The following MMP26 variants were observed in gnomAD, a reference collection of about 807,000 sequenced individuals.
The protein encoded by MMP26 is matrix metalloproteinase-26.
A neutral mutation model predicts 31.0 loss-of-function variants in MMP26; 33 were observed. That is an observed-to-expected ratio of 1.06 (90% CI 0.81 to 1.42). The LOEUF (loss-of-function observed/expected upper bound fraction) is 1.42, where lower values mean the gene tolerates loss of function less well. MMP26 is among the 40% of genes most tolerant of loss of function. The probability of loss-of-function intolerance (pLI) is 0.00; values close to 1 mark genes in which losing one functional copy is unlikely to be tolerated. For missense variants in MMP26, 347 were observed against 316.1 expected (o/e 1.10, Z -0.74); for synonymous variants, 122 against 114.9 (o/e 1.06, Z -0.40).
chr11:4,849,171 C>T, intron 2 of MMP26: 1 of 1,613,306 alleles, frequency 6.2e-7, no homozygotes, highest in African/African-American at 1.3e-5. Flanking sequence ...CATTGAAGTG[C>T]TGCTATTGGG....
chr11:4,790,822 A>T (rs1849015902), intron 2 of MMP26, among the ~76,000 whole-genome samples: 1 of 152,182 alleles, frequency 6.6e-6, no homozygotes, highest in African/African-American at 2.4e-5. Flanking sequence ...CTTCATGCAC[A>T]CCATGCTTAT....
intron 1 of MMP26, among the ~76,000 whole-genome samples, chr11:4,716,205 G>T (rs1847928351): frequency 6.6e-6 from 1 of 152,292 alleles, no homozygotes; most frequent in South Asian, 2.1e-4. Flanking sequence ...TTAAGAACAT[G>T]GTACTGGCTG....
At chr11:4,908,569 G>C in intron 2 of MMP26, 1 of 497,852 alleles carries the variant, frequency 2.0e-6, no homozygotes, top group South Asian at 2.2e-5. Flanking sequence ...AGCTGGATTT[G>C]AGTCAACCCA....
chr11:4,826,193 G>C (rs1041865673), intron 2 of MMP26, among the ~76,000 whole-genome samples: 2 of 152,072 alleles, frequency 1.3e-5, no homozygotes, highest in African/African-American at 4.8e-5. Context: ...CCAAGCCCCA[G>C]AACTCTCTAA....
chr11:4,817,976 G>A (rs1280446309), intron 2 of MMP26, among the ~76,000 whole-genome samples: 2 of 152,178 alleles, frequency 1.3e-5, no homozygotes, highest in Non-Finnish European at 2.9e-5. Flanking sequence ...GACTGTTGAG[G>A]TCTAAACTGG....
chr11:4,796,021 A>G (rs1849103913), intron 2 of MMP26, among the ~76,000 whole-genome samples: 1 of 152,064 alleles, frequency 6.6e-6, no homozygotes, highest in Non-Finnish European at 1.5e-5. Context: ...ATTTTTTCCT[A>G]AGAGTTTCAA....
chr11:4,946,422 G>C, intron 2 of MMP26: 1 of 1,608,760 alleles, frequency 6.2e-7, no homozygotes, highest in Non-Finnish European at 8.5e-7. Flanking sequence ...GCAATTCCCA[G>C]TACAGTCTTG....
At chr11:4,940,667 T>C (rs1308793519) in intron 2 of MMP26, among the ~76,000 whole-genome samples, 1 of 152,148 alleles carries the variant, frequency 6.6e-6, no homozygotes, top group Non-Finnish European at 1.5e-5. Context: ...CAATACTTGA[T>C]GGAAAAGCTT....
intron 1 of MMP26, among the ~76,000 whole-genome samples, chr11:4,747,037 T>C (rs1470900813): frequency 6.6e-6 from 1 of 152,150 alleles, no homozygotes. Context: ...AAATCCCAGG[T>C]CATTGATCCT....
chr11:4,796,036 A>G (rs1027248874), intron 2 of MMP26, among the ~76,000 whole-genome samples: 3 of 152,090 alleles, frequency 2.0e-5, no homozygotes, highest in Non-Finnish European at 4.4e-5. Context: ...TTTCAACAGG[A>G]CAAGTCGCCA....
chr11:4,788,888 A>G (rs1390679955), intron 2 of MMP26, among the ~76,000 whole-genome samples: 1 of 152,224 alleles, frequency 6.6e-6, no homozygotes, highest in Admixed American at 6.5e-5. Flanking sequence ...ATGGAAGGAT[A>G]TACAAGGGGA....
Position 4,907,497 on chromosome 11 carries a change from G to A in MMP26, c.-144-80571G>A. On this transcript the variant is annotated intron_variant, in intron 2 of 7. Coordinates refer to ENST00000380390, the MANE Select transcript of MMP26 (RefSeq NM_021801.5). Reference sequence around the variant, plus strand: ...TACCTGCTTGCCATCATGGGCAACTGCACCATTCTCTTTATTATAAAGACA... The same window carrying A: ...TACCTGCTTGCCATCATGGGCAACTACACCATTCTCTTTATTATAAAGACA... 1 of 1,613,862 alleles carries A rather than the reference G, an allele frequency of 6.2e-7. No homozygotes were observed. The highest frequency in any genetic ancestry group is 8.5e-7 in the Non-Finnish European group (1 of 1,179,928).
At chr11:4,860,230 ACT>A in intron 2 of MMP26, 1 of 471,256 alleles carries the variant, frequency 2.1e-6, no homozygotes, top group Non-Finnish European at 4.4e-6. Flanking sequence ...TCCTGATTCT[ACT>A]ATTCCAAATA....
chr11:4,955,838 G>T (rs1846435851), intron 2 of MMP26: 1 of 653,710 alleles, frequency 1.5e-6, no homozygotes, highest in East Asian at 2.7e-5. Flanking sequence ...GTTAAAATTT[G>T]TGGCTTCTTT....
intron 2 of MMP26, among the ~76,000 whole-genome samples, chr11:4,871,209 T>C (rs1850305882): frequency 6.6e-6 from 1 of 152,066 alleles, no homozygotes; most frequent in Non-Finnish European, 1.5e-5. Context: ...CTGCACATAC[T>C]GTTTCAGTGG....
At chr11:4,745,363 A>G (rs955171704) in intron 1 of MMP26, among the ~76,000 whole-genome samples, 2 of 152,256 alleles carry the variant, frequency 1.3e-5, no homozygotes, top group African/African-American at 2.4e-5. Context: ...CTTACTATAA[A>G]TACAAATTCT....
intron 2 of MMP26, among the ~76,000 whole-genome samples, chr11:4,815,650 C>T (rs1440057266): frequency 6.6e-6 from 1 of 151,374 alleles, no homozygotes; most frequent in Non-Finnish European, 1.5e-5. Flanking sequence ...ATGAAAAATC[C>T]TGGAATATAT....
chr11:4,857,924 T>A (rs1003054597), intron 2 of MMP26, among the ~76,000 whole-genome samples: 1 of 152,070 alleles, frequency 6.6e-6, no homozygotes, highest in Non-Finnish European at 1.5e-5. Flanking sequence ...GTTCGACATA[T>A]GCAAATCAAT....
chr11:4,903,301 T>C (rs1324435534), intron 2 of MMP26, among the ~76,000 whole-genome samples: 1 of 152,090 alleles, frequency 6.6e-6, no homozygotes, highest in Admixed American at 6.5e-5. Flanking sequence ...GTTAATATTT[T>C]GCCAAAAATG....
Sources: gnomAD v4.1 joint callset for allele counts (sites outside exome capture counted in the v4.1 genomes callset) on GRCh38, gnomAD v4.1.1 for gene constraint, MANE v1.5 for transcripts, NCBI Gene and HGNC (gene_info 2026-07-23, HGNC 2026-07-21) for gene names.